The following PCDHB6 variants were observed in gnomAD, a reference collection of about 807,000 sequenced individuals.
PCDHB6 encodes protocadherin beta-6.
For synonymous variants in PCDHB6, 506 were observed against 459.0 expected (o/e 1.10, Z -1.31); for missense variants, 1,137 against 1,010.1 (o/e 1.13, Z -1.70).
At position 141,151,911 on chromosome 5, in the gene PCDHB6, G is replaced by A. The variant is rs782086754; in HGVS notation, c.1654G>A (p.Ala552Thr). The change falls in exon 1 of 1, where the codon GCC becomes ACC. Residue 552 changes from alanine to threonine, a missense_variant. By Grantham distance (58) the Ala-to-Thr change is moderately conservative (BLOSUM62 0). Transcript: ENST00000231136. ...EALVRLLVLD[A>T]NDNSPFVLYP... ...GCTGGTGCGCTTGCTGGTGCTGGACGCCAACGACAACTCGCCCTTCGTGTT... is the reference window on the plus strand; with the variant it reads ...GCTGGTGCGCTTGCTGGTGCTGGACACCAACGACAACTCGCCCTTCGTGTT... 8 of 1,611,598 alleles carry A rather than the reference G, an allele frequency of 5.0e-6. No homozygotes were observed. Among genetic ancestry groups the A allele is most frequent in the East Asian group, 4.5e-5 (2 of 44,890 alleles).
Position 141,152,635 on chromosome 5 carries a change from T to G in PCDHB6, c.2378T>G (p.Phe793Cys). ...CCCACCTCTCGGAATAGCTTCCCGT[T>G]CAGTTAAGTGTGGGATTATTTTACT... ...ETPTSRNSFPFS is the reference protein window; with the variant it reads ...ETPTSRNSFPCS The change falls in exon 1 of 1, where the codon TTC (phenylalanine) becomes TGC (cysteine). Residue 793 changes from phenylalanine (F) to cysteine (C), a missense_variant. Physicochemically the swap from Phe to Cys is radical, Grantham distance 205 (BLOSUM62 -2). Coordinates refer to ENST00000231136, the MANE Select transcript of PCDHB6 (RefSeq NM_018939.4). 2.5e-6 allele frequency: 4 copies of G among 1,591,232 alleles called. No individual in the cohort carries two copies. Among genetic ancestry groups the G allele is most frequent in the Non-Finnish European group, 2.6e-6 (3 of 1,167,314 alleles).
At position 141,150,871 on chromosome 5, in the gene PCDHB6, C is replaced by T; in HGVS notation, c.614C>T (p.Pro205Leu). 2 of 1,614,186 alleles carry T rather than the reference C, an allele frequency of 1.2e-6. No homozygotes were observed. Among genetic ancestry groups the T allele is most frequent in the South Asian group, 1.1e-5 (1 of 91,084 alleles). The change falls in exon 1 of 1, where the codon CCC becomes CTC. Residue 205 changes from proline (P) to leucine (L), a missense_variant. Coordinates refer to ENST00000231136, the MANE Select transcript of PCDHB6 (RefSeq NM_018939.4). ...LDKPLDREEQ[P>L]QLRLTLIALD... The stretch of plus-strand genomic sequence containing the variant: ...AAACCGTTGGACCGCGAGGAGCAGC[C>T]CCAACTCAGGCTAACGCTGATCGCG...
In PCDHB6 at chr5:141,151,335, G is replaced by C; in HGVS notation, c.1078G>C (p.Glu360Gln). 6.2e-7 allele frequency: 1 copy of C among 1,614,146 alleles called. No individual in the cohort carries two copies. Among genetic ancestry groups the C allele is most frequent in the Non-Finnish European group, 8.5e-7 (1 of 1,180,028 alleles). The change falls in exon 1 of 1, where the codon GAG becomes CAG. Residue 360 changes from glutamate to glutamine, a missense_variant. Coordinates refer to ENST00000231136, the MANE Select transcript of PCDHB6 (RefSeq NM_018939.4). Reference protein sequence around the residue: ...FISLIPENLPEITVAVFSVSD... With the variant: ...FISLIPENLPQITVAVFSVSD... ...CAGCCTCATCCCAGAAAACTTACCA[G>C]AGATCACAGTGGCAGTTTTCAGTGT...
chr5:141,152,243 C>T lies in PCDHB6; in HGVS notation c.1986C>T (p.Asp662=), dbSNP rs199812817. The part of the protein sequence containing the change: ...ATATLHVLLV[D]GFSQPYLPLP... ...CCACGCTGCACGTGCTCCTGGTGGA[C>T]GGCTTCTCCCAGCCCTACCTGCCTC... Residue 662 remains aspartate, a synonymous_variant, in exon 1 of 1, where the codon GAC becomes GAT. Transcript: ENST00000231136. 147 of 1,607,194 alleles carry T rather than the reference C, an allele frequency of 9.1e-5. No individual in the cohort carries two copies. Among genetic ancestry groups the T allele is most frequent in the Middle Eastern group, 2.1e-4 (1 of 4,694 alleles).
Position 141,151,931 on chromosome 5 carries a change from C to G in PCDHB6, c.1674C>G (p.Phe558Leu), listed in dbSNP as rs781913689. The change falls in exon 1 of 1, where the codon TTC becomes TTG. Residue 558 changes from phenylalanine (F) to leucine (L), a missense_variant. By Grantham distance (22) the Phe-to-Leu change is conservative. Coordinates refer to ENST00000231136, the MANE Select transcript of PCDHB6 (RefSeq NM_018939.4). ...LVLDANDNSPFVLYPLQNGSA... is the reference protein window; with the variant it reads ...LVLDANDNSPLVLYPLQNGSA... ...TGGACGCCAACGACAACTCGCCCTT[C>G]GTGTTGTACCCGCTGCAGAACGGCT... is the stretch of plus-strand genomic sequence containing the variant. 8.7e-6 allele frequency: 14 copies of G among 1,611,422 alleles called. No individual in the cohort carries two copies. Among genetic ancestry groups the G allele is most frequent in the Non-Finnish European group, 1.2e-5 (14 of 1,179,758 alleles).
Position 141,152,143 on chromosome 5 carries a change from G to A in PCDHB6, c.1886G>A (p.Ser629Asn), listed in dbSNP as rs782653420. The change falls in exon 1 of 1, where the codon AGC (serine) becomes AAC (asparagine). Residue 629 changes from serine (S) to asparagine (N), a missense_variant. Ser to Asn is a conservative substitution (Grantham distance 46). Coordinates refer to ENST00000231136, the MANE Select transcript of PCDHB6 (RefSeq NM_018939.4). ...NGEVRTARLL[S>N]ERDAAKHRLV... ...GAGGTGCGCACCGCCAGGCTGCTGA[G>A]CGAGCGAGACGCAGCCAAGCACAGG... is the stretch of plus-strand genomic sequence containing the variant. The A allele has an allele frequency of 1.2e-6, 2 of 1,607,758 alleles. No individual in the cohort carries two copies. The highest frequency in any genetic ancestry group is 2.7e-5 in the African/African-American group (2 of 74,816).
At position 141,150,812 on chromosome 5, in the gene PCDHB6, C is replaced by A; in HGVS notation, c.555C>A (p.Ser185Arg). ...PHFHVLTRNRSEGRKFPELVL... is the reference protein window; with the variant it reads ...PHFHVLTRNRREGRKFPELVL... ...TCCACGTTCTCACCCGCAATCGCAG[C>A]GAAGGCAGGAAGTTCCCGGAGCTGG... is the stretch of plus-strand genomic sequence containing the variant. The change falls in exon 1 of 1, where the codon AGC becomes AGA. Residue 185 changes from serine to arginine, a missense_variant. Physicochemically the swap from Ser to Arg is moderately radical, Grantham distance 110. Coordinates refer to ENST00000231136, the MANE Select transcript of PCDHB6 (RefSeq NM_018939.4). 1 of 1,614,168 alleles carries A rather than the reference C, an allele frequency of 6.2e-7. No individual in the cohort carries two copies. Among genetic ancestry groups the A allele is most frequent in the Non-Finnish European group, 8.5e-7 (1 of 1,180,038 alleles).
At position 141,151,441 on chromosome 5, in the gene PCDHB6, T is replaced by C; in HGVS notation, c.1184T>C (p.Val395Ala). 6.2e-7 allele frequency: 1 copy of C among 1,614,112 alleles called. No individual in the cohort carries two copies. Among genetic ancestry groups the C allele is most frequent in the Non-Finnish European group, 8.5e-7 (1 of 1,180,014 alleles). Reference protein sequence around the residue: ...NNLPFLLRPSVENFYTLVTEG... With the variant: ...NNLPFLLRPSAENFYTLVTEG... ...CTCCCCTTTCTACTAAGACCTTCCGTGGAGAATTTCTACACCCTGGTAACA... is the reference window on the plus strand; with the variant it reads ...CTCCCCTTTCTACTAAGACCTTCCGCGGAGAATTTCTACACCCTGGTAACA... The change falls in exon 1 of 1, where the codon GTG becomes GCG. Residue 395 changes from valine to alanine, a missense_variant. Physicochemically the swap from Val to Ala is moderately conservative, Grantham distance 64. Transcript: ENST00000231136.
rs372445555 is a variant in PCDHB6, at chr5:141,152,552, G to C, written c.2295G>C (p.Leu765=). ...GGSETNEFKF[L]KPIMPNFPPQ... The stretch of plus-strand genomic sequence containing the variant: ...CAGAAACAAATGAGTTCAAGTTCCT[G>C]AAGCCGATTATGCCCAACTTCCCTC... The change falls in exon 1 of 1, where the codon CTG becomes CTC. Residue 765 remains leucine, a synonymous_variant. Coordinates refer to ENST00000231136, the MANE Select transcript of PCDHB6 (RefSeq NM_018939.4). 2.5e-6 allele frequency: 4 copies of C among 1,613,914 alleles called. No homozygotes were observed. The African/African-American group carries it at 5.3e-5, about 22-fold the overall frequency.
In PCDHB6 at chr5:141,151,061, A is replaced by C. The variant is rs1281437199; in HGVS notation, c.804A>C (p.Leu268Phe). The change falls in exon 1 of 1, where the codon TTA (leucine) becomes TTC (phenylalanine). Residue 268 changes from leucine to phenylalanine, a missense_variant. Physicochemically the swap from Leu to Phe is conservative, Grantham distance 22 (BLOSUM62 0). Transcript: ENST00000231136. ...TTATTACCGTCTCAGCCAGAGATTTAGATGCAGGATCGTTTGGGAAGGTAT... is the reference window on the plus strand; with the variant it reads ...TTATTACCGTCTCAGCCAGAGATTTCGATGCAGGATCGTTTGGGAAGGTAT... ...SLVITVSARD[L>F]DAGSFGKVSY... 1.2e-6 allele frequency: 2 copies of C among 1,614,260 alleles called. No homozygotes were observed. The highest frequency in any genetic ancestry group is 1.3e-5 in the African/African-American group (1 of 75,070).
rs149770310 is a variant in PCDHB6, at chr5:141,152,299, C to A, written c.2042C>A (p.Ala681Asp). The change falls in exon 1 of 1, where the codon GCC becomes GAC. Residue 681 changes from alanine (A) to aspartate (D), a missense_variant. Ala to Asp is a moderately radical substitution (Grantham distance 126). Coordinates refer to ENST00000231136, the MANE Select transcript of PCDHB6 (RefSeq NM_018939.4). ...GAGGCGGCCCCGGCCCAAGCCCAGGCCGACTCTCTCACCGTCTACCTGGTG... is the reference window on the plus strand; with the variant it reads ...GAGGCGGCCCCGGCCCAAGCCCAGGACGACTCTCTCACCGTCTACCTGGTG... The part of the protein sequence containing the change: ...LPEAAPAQAQ[A>D]DSLTVYLVVA... The A allele has an allele frequency of 1.6e-5, 25 of 1,608,574 alleles. No individual in the cohort carries two copies. The highest frequency in any genetic ancestry group is 2.7e-5 in the African/African-American group (2 of 74,790).
rs868965199 is a variant in PCDHB6, at chr5:141,152,255, G to A, written c.1998G>A (p.Gln666=). ...TGCTCCTGGTGGACGGCTTCTCCCA[G>A]CCCTACCTGCCTCTCCCTGAGGCGG... ...LHVLLVDGFS[Q]PYLPLPEAAP... is the part of the protein sequence containing the mutation. The change falls in exon 1 of 1, where the codon CAG becomes CAA. Residue 666 remains glutamine (Q), a synonymous_variant. Coordinates refer to ENST00000231136, the MANE Select transcript of PCDHB6 (RefSeq NM_018939.4). 2 of 1,607,504 alleles carry A rather than the reference G, an allele frequency of 1.2e-6. No individual in the cohort carries two copies. Among genetic ancestry groups the A allele is most frequent in the Middle Eastern group, 2.1e-4 (1 of 4,740 alleles).
In PCDHB6 at chr5:141,152,366, G is replaced by T; in HGVS notation, c.2109G>T (p.Val703=). ...ASVSSLFLFS[V]LLFVAVRLCR... Reference sequence around the variant, plus strand: ...TGTCGTCGCTCTTCCTCTTTTCGGTGCTCCTGTTCGTGGCGGTGCGGCTGT... The same window carrying T: ...TGTCGTCGCTCTTCCTCTTTTCGGTTCTCCTGTTCGTGGCGGTGCGGCTGT... The change falls in exon 1 of 1, where the codon GTG becomes GTT. Residue 703 remains valine (V), a synonymous_variant. Coordinates refer to ENST00000231136, the MANE Select transcript of PCDHB6 (RefSeq NM_018939.4). 1 of 1,611,474 alleles carries T rather than the reference G, an allele frequency of 6.2e-7. No individual in the cohort carries two copies. Among genetic ancestry groups the T allele is most frequent in the Non-Finnish European group, 8.5e-7 (1 of 1,179,928 alleles).
In PCDHB6 at chr5:141,151,253, C is replaced by A. The variant is rs150891521; in HGVS notation, c.996C>A (p.Val332=). ...GGGLSGKCSL[V]VRVLDVNDNA... ...GCCTATCAGGAAAATGCTCTTTAGT[C>A]GTCAGGGTCCTGGACGTGAATGACA... Residue 332 remains valine (V), a synonymous_variant, in exon 1 of 1, where the codon GTC becomes GTA. Transcript: ENST00000231136. The A allele has an allele frequency of 8.7e-6, 14 of 1,613,982 alleles. No homozygotes were observed. The highest frequency in any genetic ancestry group is 9.3e-6 in the Non-Finnish European group (11 of 1,180,024).
At position 141,152,548 on chromosome 5, in the gene PCDHB6, T is replaced by A. The variant is rs1554278067; in HGVS notation, c.2291T>A (p.Phe764Tyr). Residue 764 changes from phenylalanine to tyrosine, a missense_variant, in exon 1 of 1, where the codon TTC becomes TAC. Coordinates refer to ENST00000231136, the MANE Select transcript of PCDHB6 (RefSeq NM_018939.4). The part of the protein sequence containing the change: ...TGGSETNEFK[F>Y]LKPIMPNFPP... Reference sequence around the variant, plus strand: ...GGCTCAGAAACAAATGAGTTCAAGTTCCTGAAGCCGATTATGCCCAACTTC... The same window carrying A: ...GGCTCAGAAACAAATGAGTTCAAGTACCTGAAGCCGATTATGCCCAACTTC... 1 of 1,613,784 alleles carries A rather than the reference T, an allele frequency of 6.2e-7. No homozygotes were observed. The highest frequency in any genetic ancestry group is 8.5e-7 in the Non-Finnish European group (1 of 1,179,968).
chr5:141,151,993 A>G lies in PCDHB6; in HGVS notation c.1736A>G (p.Glu579Gly), dbSNP rs782481190. Residue 579 changes from glutamate to glycine, a missense_variant, in exon 1 of 1, where the codon GAG (glutamate) becomes GGG (glycine). Physicochemically the swap from Glu to Gly is moderately conservative, Grantham distance 98. Transcript: ENST00000231136. ...PCTELVPRAA[E>G]PGYLVTKVVA... ...ACCGAGCTGGTGCCCCGGGCGGCCG[A>G]GCCGGGCTACCTGGTGACCAAGGTG... 5 of 1,609,584 alleles carry G rather than the reference A, an allele frequency of 3.1e-6. No homozygotes were observed. In the South Asian group the frequency reaches 5.5e-5, roughly 18 times the overall value.
chr5:141,152,099 C>A lies in PCDHB6; in HGVS notation c.1842C>A (p.Gly614=). The A allele has an allele frequency of 6.2e-7, 1 of 1,605,812 alleles. No homozygotes were observed. Among genetic ancestry groups the A allele is most frequent in the East Asian group, 2.2e-5 (1 of 44,848 alleles). Residue 614 remains glycine, a synonymous_variant, in exon 1 of 1, where the codon GGC becomes GGA. Transcript: ENST00000231136. ...LLKATELGLF[G]VWAHNGEVRT... Reference sequence around the variant, plus strand: ...AGGCCACGGAGCTCGGTCTGTTCGGCGTGTGGGCGCACAATGGCGAGGTGC... The same window carrying A: ...AGGCCACGGAGCTCGGTCTGTTCGGAGTGTGGGCGCACAATGGCGAGGTGC...
Position 141,150,696 on chromosome 5 carries a change from C to T in PCDHB6, c.439C>T (p.Pro147Ser). The T allele has an allele frequency of 1.9e-6, 3 of 1,614,172 alleles. No homozygotes were observed. Among genetic ancestry groups the T allele is most frequent in the East Asian group, 2.2e-5 (1 of 44,886 alleles). Residue 147 changes from proline to serine, a missense_variant, in exon 1 of 1, where the codon CCA becomes TCA. Coordinates refer to ENST00000231136, the MANE Select transcript of PCDHB6 (RefSeq NM_018939.4). ...CCTGAAAATATCAGAAATTACTATG[C>T]CAGGAAAGATATTTCCTTTGAAAAT... is the stretch of plus-strand genomic sequence containing the variant. Reference protein sequence around the residue: ...MLLKISEITMPGKIFPLKMAH... With the variant: ...MLLKISEITMSGKIFPLKMAH...
In PCDHB6 at chr5:141,150,420, G is replaced by A; in HGVS notation, c.163G>A (p.Val55Met). ...ANLTKDLGLR[V>M]GELASRGARV... ...CTTGACAAAGGACCTGGGACTGAGG[G>A]TGGGGGAGCTGGCTTCGCGGGGCGC... Residue 55 changes from valine to methionine, a missense_variant, in exon 1 of 1, where the codon GTG becomes ATG. Val to Met is a conservative substitution (Grantham distance 21). Transcript: ENST00000231136. The A allele has an allele frequency of 1.2e-6, 2 of 1,614,134 alleles. No homozygotes were observed. Among genetic ancestry groups the A allele is most frequent in the Non-Finnish European group, 1.7e-6 (2 of 1,180,020 alleles).
Sources: gnomAD v4.1 joint callset for allele counts on GRCh38, gnomAD v4.1.1 for gene constraint, MANE v1.5 for transcripts, NCBI Gene and HGNC (gene_info 2026-07-23, HGNC 2026-07-21) for gene names.